The following MS4A4E variants were observed in gnomAD, a reference collection of about 807,000 sequenced individuals.
The protein encoded by MS4A4E is putative membrane-spanning 4-domains subfamily A member 4E.
A neutral mutation model predicts 13.3 loss-of-function variants in MS4A4E; 23 were observed. The observed-to-expected ratio is 1.73, with a 90% confidence interval of 1.25 to 2.45. The LOEUF (loss-of-function observed/expected upper bound fraction) is 2.45. MS4A4E is among the 30% of genes most tolerant of loss of function. MS4A4E has a pLI of 0.00. For synonymous variants in MS4A4E, 36 were observed against 45.6 expected (o/e 0.79, Z 0.85); for missense variants, 144 against 131.2 (o/e 1.10, Z -0.48).
chr11:60,233,566 C>A (rs1565128824), intron 1 of MS4A4E, among the ~76,000 whole-genome samples: 1 of 152,212 alleles, frequency 6.6e-6, no homozygotes, highest in African/African-American at 2.4e-5. Context: ...CCTCAGCTCG[C>A]ACTGCCACTA....
At chr11:60,212,856 C>T (rs2084141538) in intron 5 of MS4A4E, among the ~76,000 whole-genome samples, 118 bp downstream of exon 5, 1 of 152,194 alleles carries the variant, frequency 6.6e-6, no homozygotes. Flanking sequence ...TTCTCAATCA[C>T]TTACAACTTC....
intron 6 of MS4A4E, among the ~76,000 whole-genome samples, chr11:60,207,416 T>C (rs2084062111): frequency 6.6e-6 from 1 of 152,158 alleles, no homozygotes; most frequent in Non-Finnish European, 1.5e-5. Context: ...AAATCATTGG[T>C]AATTGCTGAG....
chr11:60,238,303 C>G (rs962602500), intron 1 of MS4A4E, among the ~76,000 whole-genome samples: 2 of 151,710 alleles, frequency 1.3e-5, no homozygotes, highest in Non-Finnish European at 2.9e-5. Context: ...CTGGGCTTTC[C>G]TTTATAAAAG....
Position 60,225,890 on chromosome 11 carries a change from C to T in MS4A4E, c.178+2704G>A, listed in dbSNP as rs2084335082. On this transcript the variant is annotated intron_variant, in intron 3 of 8. Coordinates refer to ENST00000651255, the MANE Select transcript of MS4A4E (RefSeq NM_001393391.1). ...CTTTTTTTTAAAAAAAAGAAAAATACATAAATAAAATCAATAAGCCTTTAG... is the reference window on the plus strand; with the variant it reads ...CTTTTTTTTAAAAAAAAGAAAAATATATAAATAAAATCAATAAGCCTTTAG... 2.7e-5 allele frequency among the ~76,000 whole-genome samples: 4 copies of T among 150,932 alleles called. No individual in the cohort carries two copies. The South Asian group carries it at 8.4e-4, about 32-fold the overall frequency.
At chr11:60,214,307 G>A (rs1357187768) in intron 4 of MS4A4E, among the ~76,000 whole-genome samples, 1 of 152,090 alleles carries the variant, frequency 6.6e-6, no homozygotes, top group African/African-American at 2.4e-5. Flanking sequence ...TTTTTTGAGT[G>A]ATCCCACTTC....
intron 1 of MS4A4E, among the ~76,000 whole-genome samples, chr11:60,233,883 CAG>C (rs1460900444): frequency 6.6e-6 from 1 of 152,160 alleles, no homozygotes; most frequent in Non-Finnish European, 1.5e-5. Context: ...TCCAACCTAA[CAG>C]AGCTGAAGCA....
In MS4A4E at chr11:60,230,182, C is replaced by T. The variant is rs767737233; in HGVS notation, c.-16-111G>A. Reference sequence around the variant, plus strand: ...ACAAAACCTGGTCTACATTCCCCTCCAATATTATAACAGTTGTTAGAGCTA... The same window carrying T: ...ACAAAACCTGGTCTACATTCCCCTCTAATATTATAACAGTTGTTAGAGCTA... On this transcript the variant is annotated intron_variant, in intron 1 of 8. Transcript: ENST00000651255. 2.6e-4 allele frequency: 316 copies of T among 1,197,606 alleles called. 2 individuals carry two copies. The highest frequency in any genetic ancestry group is 2.5e-4 in the Non-Finnish European group (226 of 890,600). The allele number at this position is 1,197,606 out of a possible 1,614,324, so 74.2% of individuals were successfully genotyped here. A position where few individuals can be genotyped will look rare whatever the true frequency, so the allele number is the denominator to read the frequency against.
At chr11:60,225,387 C>G (rs746918344) in intron 3 of MS4A4E, among the ~76,000 whole-genome samples, 2 of 152,148 alleles carry the variant, frequency 1.3e-5, no homozygotes, top group Admixed American at 1.3e-4. Flanking sequence ...AACTGTTTCT[C>G]TCTTTTGTCA....
At chr11:60,225,116 C>A in intron 3 of MS4A4E, 1 of 1,494,084 alleles carries the variant, frequency 6.7e-7, no homozygotes. Flanking sequence ...AAAGCAAAAA[C>A]TGATTATCCA....
In MS4A4E at chr11:60,241,418, C is replaced by T. The variant is rs552140738; in HGVS notation, c.-17+1540G>A. Among the ~76,000 whole-genome samples the T allele has an allele frequency of 5.3e-5, 8 of 152,318 alleles. No individual in the cohort carries two copies. In the South Asian group the frequency reaches 1.5e-3, roughly 28 times the overall value. On this transcript the variant is annotated intron_variant, in intron 1 of 8. Transcript: ENST00000651255. ...TGTTGGGTCTGTCTTATCAAACACA[C>T]TTGGTAGTTCTCCCTCTGTGTTTAG...
At chr11:60,241,767 A>AG (rs1322227774) in intron 1 of MS4A4E, among the ~76,000 whole-genome samples, 2 of 152,342 alleles carry the variant, frequency 1.3e-5, no homozygotes, top group East Asian at 3.9e-4. Context: ...GATACATATG[A>AG]GGGAGGGACA....
At chr11:60,224,869 G>T in intron 3 of MS4A4E, 1 of 1,103,080 alleles carries the variant, frequency 9.1e-7, no homozygotes, top group Non-Finnish European at 1.2e-6. Context: ...CAAATTTACA[G>T]AATTACAAGA....
At chr11:60,237,082 C>A (rs1287103170) in intron 1 of MS4A4E, among the ~76,000 whole-genome samples, 3 of 152,084 alleles carry the variant, frequency 2.0e-5, no homozygotes, top group Non-Finnish European at 4.4e-5. Context: ...ATTTTTTCTG[C>A]TCCTCTCCCT....
At chr11:60,234,462 G>A (rs577324051) in intron 1 of MS4A4E, among the ~76,000 whole-genome samples, 11 of 152,210 alleles carry the variant, frequency 7.2e-5, no homozygotes, top group African/African-American at 2.4e-4. Context: ...CTTCATCCTC[G>A]TGAATGGATA....
At chr11:60,212,006 C>T (rs867537342) in intron 5 of MS4A4E, among the ~76,000 whole-genome samples, 58 of 152,276 alleles carry the variant, frequency 3.8e-4, no homozygotes, top group Admixed American at 1.0e-3. Context: ...GCTGCAAGAA[C>T]TCTTCCCCCA....
chr11:60,224,709 T>A (rs1393022112), intron 3 of MS4A4E, among the ~76,000 whole-genome samples: 1 of 152,224 alleles, frequency 6.6e-6, no homozygotes, highest in Non-Finnish European at 1.5e-5. Context: ...ATTGCTTAAG[T>A]CATTCCAGTT....
intron 5 of MS4A4E, among the ~76,000 whole-genome samples, chr11:60,209,984 A>G (rs750609430): frequency 3.9e-5 from 6 of 152,242 alleles, no homozygotes; most frequent in Non-Finnish European, 8.8e-5. Flanking sequence ...AACAGCAAAC[A>G]AAACAGACAA....
rs567750312 is a variant in MS4A4E, at chr11:60,201,695, C to T, written c.844G>A (p.Val282Met). 3.5e-4 allele frequency: 88 copies of T among 251,940 alleles called. 1 individual carries two copies. The highest frequency in any genetic ancestry group is 1.7e-3 in the African/African-American group (73 of 42,276). The allele number at this position is 251,940 out of a possible 1,614,324, so 15.6% of individuals were successfully genotyped here. A position where few individuals can be genotyped will look rare whatever the true frequency, so the allele number is the denominator to read the frequency against. ...VSAWPPIVWD[V>M]RSPSAWLPSL... ...GGCAGCCAGGCAGAGGGGCTCCTCA[C>T]GTCCCAGACGATAGGCGGCCAGGCA... is the stretch of plus-strand genomic sequence containing the variant. Residue 282 changes from valine (V) to methionine (M), a missense_variant, in exon 9 of 9, where the codon GTG (valine) becomes ATG (methionine). By Grantham distance (21) the Val-to-Met change is conservative. Transcript: ENST00000651255.
At chr11:60,225,570 G>A (rs2084330606) in intron 3 of MS4A4E, among the ~76,000 whole-genome samples, 1 of 152,142 alleles carries the variant, frequency 6.6e-6, no homozygotes. Context: ...TCTTAAAATA[G>A]GAGCTGGAGT....
Sources: gnomAD v4.1 joint callset for allele counts (sites outside exome capture counted in the v4.1 genomes callset) on GRCh38, gnomAD v4.1.1 for gene constraint, MANE v1.5 for transcripts, NCBI Gene and HGNC (gene_info 2026-07-23, HGNC 2026-07-21) for gene names.